RPS6KA5: variants seen among roughly 807,000 people sequenced by gnomAD.
RPS6KA5 encodes ribosomal protein S6 kinase A5.
In RPS6KA5, 27 loss-of-function variants were observed where a neutral mutation model predicts 85.5. The observed-to-expected ratio is 0.32, with a 90% CI of 0.23 to 0.44. The LOEUF is 0.44. RPS6KA5 is among the 20% of genes least tolerant of loss of function. RPS6KA5 has a pLI of 1.00. For missense variants in RPS6KA5, 811 were observed against 980.9 expected, an observed-to-expected ratio of 0.83 and a Z score of 2.31; for synonymous variants, 334 against 348.2, an observed-to-expected ratio of 0.96 and a Z score of 0.46.
chr14:90,856,565 T>G lies in RPS6KA5; in HGVS notation c.*15509A>C, dbSNP rs12589482. On this transcript the variant is annotated 3_prime_UTR_variant, in exon 17 of 17. Coordinates refer to ENST00000614987, the MANE Select transcript of RPS6KA5 (RefSeq NM_004755.4). The stretch of plus-strand genomic sequence containing the variant: ...TTTATTAGAGATGGAGTTTCTCCCT[T>G]TTGGTCAGGCTGTTCTCCAACTCCT... 133,468 of 152,152 alleles carry G rather than the reference T, an allele frequency of 0.88. 58,811 individuals carry two copies. Among genetic ancestry groups the G allele is most frequent in the African/African-American group, 0.93 (38,751 of 41,506 alleles). The allele number at this position is 152,152 out of a possible 1,614,324, so 9.4% of individuals were successfully genotyped here. A position where few individuals can be genotyped will look rare whatever the true frequency, so the allele number is the denominator to read the frequency against.
At chr14:90,996,038 G>GTC (rs2040503517) in intron 2 of RPS6KA5, among the ~76,000 whole-genome samples, 1 of 152,168 alleles carries the variant, frequency 6.6e-6, no homozygotes, top group African/African-American at 2.4e-5. Flanking sequence ...GTGAGACAGG[G>GTC]TCTCGCTCTA....
Position 90,900,475 on chromosome 14 carries a change from G to A in RPS6KA5, c.1245+136C>T, listed in dbSNP as rs137856713. Reference sequence around the variant, plus strand: ...CATTCAACTTGACGTTAATTCTCTAGGGAAAATATTGCTATATCCCACTTT... The same window carrying A: ...CATTCAACTTGACGTTAATTCTCTAAGGAAAATATTGCTATATCCCACTTT... On this transcript the variant is annotated intron_variant, in intron 10 of 16. Transcript: ENST00000614987. The A allele has an allele frequency of 4.6e-3, 3,830 of 833,946 alleles. 16 individuals are homozygous for A. The highest frequency in any genetic ancestry group is 5.7e-3 in the Non-Finnish European group (3,304 of 576,788). 51.7% of individuals were successfully genotyped at this position (833,946 alleles called of 1,614,324 possible). A position where few individuals can be genotyped will look rare whatever the true frequency, so the allele number is the denominator to read the frequency against.
intron 1 of RPS6KA5, among the ~76,000 whole-genome samples, chr14:91,026,692 G>A (rs1051760645): frequency 8.5e-5 from 13 of 152,194 alleles, no homozygotes; most frequent in African/African-American, 3.1e-4. Context: ...TCAAATGGTA[G>A]TTCTAAGTTT....
At chr14:90,904,042 T>C (rs1334850912) in intron 8 of RPS6KA5, among the ~76,000 whole-genome samples, 8 of 151,776 alleles carry the variant, frequency 5.3e-5, no homozygotes, top group African/African-American at 1.2e-4. Flanking sequence ...CTCCACCTCC[T>C]GAGTTCACGC....
intron 2 of RPS6KA5, among the ~76,000 whole-genome samples, chr14:90,979,994 C>T (rs1304428661): frequency 3.3e-5 from 5 of 152,142 alleles, no homozygotes; most frequent in African/African-American, 9.7e-5. Context: ...GTACTGTAAA[C>T]GTACTGAACA....
rs1168040442 is a variant in RPS6KA5 at position 90,857,951 on chromosome 14, T to G, written c.*14123A>C. ...GGAACAAATGAATAAACCGGGTGCC[T>G]TCACATATGACCATGTGACAACCAA... On this transcript the variant is annotated 3_prime_UTR_variant, in exon 17 of 17. Coordinates refer to ENST00000614987, the MANE Select transcript of RPS6KA5 (RefSeq NM_004755.4). 2 of 152,150 alleles carry G rather than the reference T, an allele frequency of 1.3e-5. No individual in the cohort carries two copies. Among genetic ancestry groups the G allele is most frequent in the Non-Finnish European group, 2.9e-5 (2 of 68,024 alleles). The allele number at this position is 152,150 out of a possible 1,614,324, so 9.4% of individuals were successfully genotyped here. A position where few individuals can be genotyped will look rare whatever the true frequency, so the allele number is the denominator to read the frequency against.
intron 7 of RPS6KA5, among the ~76,000 whole-genome samples, chr14:90,911,631 T>TGGCTG (rs1405590597): frequency 3.3e-5 from 5 of 152,176 alleles, no homozygotes; most frequent in Non-Finnish European, 7.3e-5. Flanking sequence ...CAATAGTACA[T>TGGCTG]TAAGCAGCCA....
chr14:90,854,739 T>C lies in RPS6KA5; in HGVS notation c.*17335A>G, dbSNP rs1358426001. 6.6e-6 allele frequency: 1 copy of C among 152,216 alleles called. No individual in the cohort carries two copies. Among genetic ancestry groups the C allele is most frequent in the African/African-American group, 2.4e-5 (1 of 41,468 alleles). The allele number at this position is 152,216 out of a possible 1,614,324, so 9.4% of individuals were successfully genotyped here. ...GCCCATTCTTATTTTTAAAAATATGTACAACTAGACTAATGATGCCAAATA... is the reference window on the plus strand; with the variant it reads ...GCCCATTCTTATTTTTAAAAATATGCACAACTAGACTAATGATGCCAAATA... On this transcript the variant is annotated 3_prime_UTR_variant, in exon 17 of 17. Coordinates refer to ENST00000614987, the MANE Select transcript of RPS6KA5 (RefSeq NM_004755.4).
chr14:90,965,973 T>G (rs1465820580), intron 3 of RPS6KA5, among the ~76,000 whole-genome samples: 1 of 152,066 alleles, frequency 6.6e-6, no homozygotes, highest in African/African-American at 2.4e-5. Flanking sequence ...GTCTTAGAGG[T>G]GCAACTGGTT....
At chr14:90,971,332 T>C (rs1441541765) in intron 3 of RPS6KA5, among the ~76,000 whole-genome samples, 2 of 152,042 alleles carry the variant, frequency 1.3e-5, no homozygotes, top group South Asian at 2.1e-4. Flanking sequence ...AAAAAAATTA[T>C]TGGAACCCTA....
intron 15 of RPS6KA5, 59 bp from the exon 16 acceptor site, chr14:90,873,854 A>G (rs2033282999): frequency 6.9e-7 from 1 of 1,458,434 alleles, no homozygotes; most frequent in East Asian, 2.3e-5. Flanking sequence ...TTTAAAAACA[A>G]ACTCAGAAAT....
intron 1 of RPS6KA5, among the ~76,000 whole-genome samples, chr14:91,018,181 G>GA (rs2041587294): frequency 6.6e-6 from 1 of 152,216 alleles, no homozygotes; most frequent in Non-Finnish European, 1.5e-5. Flanking sequence ...ATGAGTAATG[G>GA]AAGGAGATAG....
At chr14:90,976,944 TG>T (rs2039596726) in intron 3 of RPS6KA5, among the ~76,000 whole-genome samples, 1 of 152,160 alleles carries the variant, frequency 6.6e-6, no homozygotes, top group Non-Finnish European at 1.5e-5. Context: ...AAAACCAGTT[TG>T]TATTACCAAT....
chr14:90,958,721 C>T (rs969794818), intron 3 of RPS6KA5, among the ~76,000 whole-genome samples: 32 of 152,046 alleles, frequency 2.1e-4, no homozygotes, highest in Non-Finnish European at 8.8e-5. Flanking sequence ...ATTGAAAAAA[C>T]AGACAAAAAT....
intron 8 of RPS6KA5, among the ~76,000 whole-genome samples, chr14:90,904,384 A>G (rs921492857): frequency 6.6e-6 from 1 of 152,246 alleles, no homozygotes; most frequent in Non-Finnish European, 1.5e-5. Context: ...CTCAGCTAAA[A>G]TGGAATTCAG....
chr14:91,024,638 G>A (rs1444491194), intron 1 of RPS6KA5, among the ~76,000 whole-genome samples: 1 of 152,070 alleles, frequency 6.6e-6, no homozygotes, highest in Non-Finnish European at 1.5e-5. Flanking sequence ...CATCTCCAAG[G>A]TACCAACCCC....
chr14:90,885,603 G>A lies in RPS6KA5; in HGVS notation c.1836+4884C>T, dbSNP rs1454386984. Among the ~76,000 whole-genome samples the A allele has an allele frequency of 6.6e-5, 8 of 121,580 alleles. No homozygotes were observed. The South Asian group carries it at 1.4e-3, about 21-fold the overall frequency. 79.8% of individuals were successfully genotyped at this position (121,580 alleles called of 152,430 possible). On this transcript the variant is annotated intron_variant, in intron 14 of 16. Coordinates refer to ENST00000614987, the MANE Select transcript of RPS6KA5 (RefSeq NM_004755.4). ...AAAAAAAAAAAAAAATTAGACGGGCGAGGTGGCGGGCGCCTGTAGTCCCAG... is the reference window on the plus strand; with the variant it reads ...AAAAAAAAAAAAAAATTAGACGGGCAAGGTGGCGGGCGCCTGTAGTCCCAG...
At chr14:91,059,701 G>A (rs913415462) in intron 1 of RPS6KA5, among the ~76,000 whole-genome samples, 2 of 152,178 alleles carry the variant, frequency 1.3e-5, no homozygotes, top group Admixed American at 1.3e-4. Context: ...CATCTCCAGG[G>A]ACCTCTGAAG....
chr14:90,919,242 C>T (rs2036276481), intron 7 of RPS6KA5, among the ~76,000 whole-genome samples: 1 of 152,176 alleles, frequency 6.6e-6, no homozygotes, highest in Non-Finnish European at 1.5e-5. Flanking sequence ...CCTGGAAATG[C>T]TCTCAAGGCA....
Sources: gnomAD v4.1 joint callset for allele counts (sites outside exome capture counted in the v4.1 genomes callset) on GRCh38, gnomAD v4.1.1 for gene constraint, MANE v1.5 for transcripts, NCBI Gene and HGNC (gene_info 2026-07-23, HGNC 2026-07-21) for gene names.